TTC23L: variants seen among roughly 807,000 people sequenced by gnomAD.
The protein encoded by TTC23L is tetratricopeptide repeat protein 23-like.
Under a neutral mutation model 48.1 loss-of-function variants are expected in TTC23L, and 42 were observed. The observed-to-expected ratio is 0.87, with a 90% CI of 0.68 to 1.13. The LOEUF (loss-of-function observed/expected upper bound fraction) is 1.13. Among genes scored for constraint, TTC23L ranks in the 50% most tolerant of loss-of-function variants. The pLI, the probability that TTC23L is intolerant of heterozygous loss-of-function variation, is 0.00. For synonymous variants in TTC23L, 159 were observed against 157.2 expected, an observed-to-expected ratio of 1.01 and a Z score of -0.09; for missense variants, 391 against 421.0, an observed-to-expected ratio of 0.93 and a Z score of 0.62.
chr5:34,864,681 G>C, intron 6 of TTC23L, 119 bp downstream of exon 6: 1 of 1,300,928 alleles, frequency 7.7e-7, no homozygotes, highest in East Asian at 2.4e-5. Flanking sequence ...AATAAAAGAG[G>C]CTCATATTTA....
chr5:34,922,591 A>G, the TTC23L span: 4 of 1,602,438 alleles, frequency 2.5e-6, no homozygotes, highest in Non-Finnish European at 3.4e-6. Flanking sequence ...TCAAAATAGT[A>G]AGTTGACTCA....
At chr5:34,897,051 C>T (rs1763268856) in intron 10 of TTC23L, among the ~76,000 whole-genome samples, 176 bp downstream of exon 10, 1 of 151,632 alleles carries the variant, frequency 6.6e-6, no homozygotes, top group South Asian at 2.1e-4. Flanking sequence ...AACAAAGTGA[C>T]ACAGGTTACT....
At chr5:34,925,077 T>C in the TTC23L span, 3 of 1,478,358 alleles carry the variant, frequency 2.0e-6, no homozygotes, top group Non-Finnish European at 2.7e-6. Context: ...AAACTGAATT[T>C]GGTTTTTGCT....
intron 9 of TTC23L, chr5:34,880,735 T>C (rs1163025745): frequency 3.3e-6 from 1 of 306,044 alleles, no homozygotes; most frequent in Non-Finnish European, 6.3e-6. Flanking sequence ...GCCTCTTGGG[T>C]TCAAGAGATT....
At chr5:34,907,617 G>A in the TTC23L span, 1 of 152,176 alleles carries the variant, frequency 6.6e-6, no homozygotes, top group Non-Finnish European at 1.5e-5. Flanking sequence ...TCTACACCTT[G>A]ATTTGTCAAG....
chr5:34,859,979 GACTACAGGCGCCCGCC>G (rs1465928175), intron 4 of TTC23L, among the ~76,000 whole-genome samples: 3 of 150,980 alleles, frequency 2.0e-5, no homozygotes, highest in African/African-American at 7.3e-5. Flanking sequence ...GAGTAGCTGG[GACTACAGGCGCCCGCC>G]ACCACGCCTG....
intron 4 of TTC23L, among the ~76,000 whole-genome samples, chr5:34,859,840 C>CTTTTTTTTTTTTTTT (rs10590697): frequency 3.6e-4 from 34 of 95,342 alleles, no homozygotes; most frequent in Middle Eastern, 9.3e-3. Flanking sequence ...TTTTCTTCTT[C>CTTTTTTTTTTTTTTT]TTTTTTTTTT....
chr5:34,853,597 GT>G (rs1013014888), intron 4 of TTC23L, among the ~76,000 whole-genome samples: 3 of 152,104 alleles, frequency 2.0e-5, no homozygotes, highest in African/African-American at 7.2e-5. Flanking sequence ...TTAAGAATGG[GT>G]AGGGTAAAGG....
the TTC23L span, chr5:34,922,007 A>G: frequency 6.3e-6 from 2 of 319,564 alleles, no homozygotes; most frequent in Admixed American, 4.9e-5. Context: ...TTCACCCAAG[A>G]TATGGGCAGA....
At chr5:34,858,490 C>T (rs72732819) in intron 4 of TTC23L, among the ~76,000 whole-genome samples, 52,006 of 151,894 alleles carry the variant, frequency 0.34, 10,329 homozygotes, top group South Asian at 0.45. Flanking sequence ...CTCTTTCATA[C>T]TTGAAAAGGT....
chr5:34,915,900 A>G, the TTC23L span: 1 of 1,548,628 alleles, frequency 6.5e-7, no homozygotes. Flanking sequence ...TTTGCAAGGT[A>G]GGAGGGGATG....
chr5:34,864,405 T>G, intron 5 of TTC23L, 32 bp from the exon 6 acceptor site: 1 of 1,612,144 alleles, frequency 6.2e-7, no homozygotes, highest in South Asian at 1.1e-5. Context: ...GATGTTAGTT[T>G]GAGTGCTTGC....
Position 34,863,133 on chromosome 5 carries a change from G to A in TTC23L, c.536+79G>A. 1 of 1,561,194 alleles carries A rather than the reference G, an allele frequency of 6.4e-7. No homozygotes were observed. Among genetic ancestry groups the A allele is most frequent in the East Asian group, 2.2e-5 (1 of 44,476 alleles). Reference sequence around the variant, plus strand: ...CCAGATGGGTCATCTCATACAGGAGGGTGGGAGATGGAACCAAGGCCTTGT... The same window carrying A: ...CCAGATGGGTCATCTCATACAGGAGAGTGGGAGATGGAACCAAGGCCTTGT... On this transcript the variant is annotated intron_variant, in intron 5 of 10. Coordinates refer to ENST00000505624, the Ensembl canonical transcript of TTC23L. This position sits in a 1 kb window ranked among gnomAD's most constrained non-coding sequence, Gnocchi z 4.1.
chr5:34,887,323 G>T (rs984728634), intron 9 of TTC23L, among the ~76,000 whole-genome samples: 2 of 152,160 alleles, frequency 1.3e-5, no homozygotes, highest in Non-Finnish European at 2.9e-5. Context: ...CCTGAAAGGA[G>T]AGAAAACTTT....
exon 5 of TTC23L, chr5:34,862,946 T>C (rs1760789267): frequency 6.2e-7 from 1 of 1,613,946 alleles, no homozygotes; most frequent in Non-Finnish European, 8.5e-7. Flanking sequence ...AAGAATACAC[T>C]GTTGACCTGG....
At chr5:34,886,764 T>C (rs2111744556) in intron 9 of TTC23L, among the ~76,000 whole-genome samples, 1 of 152,362 alleles carries the variant, frequency 6.6e-6, no homozygotes, top group Admixed American at 6.5e-5. Flanking sequence ...AAAACTTTAG[T>C]TGAGTCCCTA....
intron 5 of TTC23L, among the ~76,000 whole-genome samples, chr5:34,864,065 A>G (rs1760871499): frequency 6.6e-6 from 1 of 152,208 alleles, no homozygotes; most frequent in South Asian, 2.1e-4. Context: ...AGTTCCTTTC[A>G]GCGTAATTAG....
chr5:34,864,316 T>A, intron 5 of TTC23L, 121 bp from the exon 6 acceptor site: 1 of 1,218,024 alleles, frequency 8.2e-7, no homozygotes. Flanking sequence ...AGAACATAGT[T>A]AAGTACCCAT....
At chr5:34,893,134 G>A (rs149324838) in intron 9 of TTC23L, among the ~76,000 whole-genome samples, 54 of 152,216 alleles carry the variant, frequency 3.5e-4, no homozygotes, top group African/African-American at 1.1e-3. Flanking sequence ...AGGACAGATC[G>A]AGAAGCTATA....
Sources: allele counts gnomAD v4.1 joint callset (sites outside exome capture counted in the v4.1 genomes callset), GRCh38; gene constraint gnomAD v4.1.1; non-coding constraint Gnocchi (gnomAD v3.1); transcripts MANE v1.5; gene names NCBI Gene and HGNC (gene_info 2026-07-23, HGNC 2026-07-21).